Variants in SF3B1 observed in about 807,000 individuals in gnomAD.
The protein encoded by SF3B1 is pre-mRNA processing 10.
In SF3B1, 12 loss-of-function variants were observed where a neutral mutation model predicts 153.8. The ratio of observed to expected loss-of-function variants is 0.08; its 90% CI spans 0.05 to 0.13. SF3B1 has a LOEUF of 0.13. SF3B1 is among the 10% of genes least tolerant of loss of function. The probability of loss-of-function intolerance (pLI) is 1.00; values close to 1 mark genes in which losing one functional copy is unlikely to be tolerated. For missense variants in SF3B1, 513 were observed against 1,606.1 expected (o/e 0.32, Z 11.63); for synonymous variants, 498 against 525.2 (o/e 0.95, Z 0.71).
At position 197,416,752 on chromosome 2, in the gene SF3B1, C is replaced by T. The variant is rs2106004935; in HGVS notation, c.655G>A (p.Asp219Asn). The T allele has an allele frequency of 6.2e-7, 1 of 1,609,914 alleles. No homozygotes were observed. Among genetic ancestry groups the T allele is most frequent in the Non-Finnish European group, 8.5e-7 (1 of 1,178,846 alleles). The change falls in exon 6 of 25, where the codon GAT (aspartate) becomes AAT (asparagine). Residue 219 changes from aspartate (D) to asparagine (N), a missense_variant. Around this residue, in one of 21 missense-constraint regions of SF3B1, gnomAD observed 17 missense variants for 16.3 expected, o/e 1.05. Transcript: ENST00000335508. ...GATPKKLSSW[D>N]QAETPGHTPS... ...CAAAAAGAAATTACCTCTGCCTGATCCCAACTTGATAGTTTTTTGGGAGTG... is the reference window on the plus strand; with the variant it reads ...CAAAAAGAAATTACCTCTGCCTGATTCCAACTTGATAGTTTTTTGGGAGTG...
chr2:197,405,953 ATTAG>A (rs2084986622), intron 9 of SF3B1, among the ~76,000 whole-genome samples: 2 of 152,132 alleles, frequency 1.3e-5, no homozygotes, highest in African/African-American at 2.4e-5. Flanking sequence ...CTCTACAAAA[ATTAG>A]TTAAATGCAT....
chr2:197,403,044 G>GAC lies in SF3B1; in HGVS notation c.1720-10_1720-9insGT. ...TCAATGACCACGAGGATCTGAAAAA[G>GAC]AGAAAAGAGAAGAAGCTACACTTTC... On this transcript the variant is annotated splice_polypyrimidine_tract_variant and intron_variant, in intron 12 of 24. Transcript: ENST00000335508. 2.0e-6 allele frequency: 3 copies of GAC among 1,515,494 alleles called. No homozygotes were observed. Among genetic ancestry groups the GAC allele is most frequent in the Non-Finnish European group, 2.7e-6 (3 of 1,131,902 alleles). The allele number at this position is 1,515,494 out of a possible 1,614,324, so 93.9% of individuals were successfully genotyped here. A position where few individuals can be genotyped will look rare whatever the true frequency, so the allele number is the denominator to read the frequency against.
intron 1 of SF3B1, among the ~76,000 whole-genome samples, chr2:197,428,888 T>C (rs1464689943): frequency 1.3e-5 from 2 of 151,918 alleles, no homozygotes; most frequent in East Asian, 3.9e-4. Context: ...AGAGAATCGC[T>C]TGAGTCTGGG....
In SF3B1 at chr2:197,401,371, G is replaced by A. The variant is rs751622483; in HGVS notation, c.2496+29C>T. The A allele has an allele frequency of 6.4e-7, 1 of 1,574,202 alleles. No individual in the cohort carries two copies. Among genetic ancestry groups the A allele is most frequent in the Admixed American group, 2.1e-5 (1 of 46,784 alleles). ...TAAAGAATGAGTTGAAAGGACTTTT[G>A]AGAATATTCTTTTACAATAAAAGCT... On this transcript the variant is annotated intron_variant, in intron 17 of 24. Coordinates refer to ENST00000335508, the MANE Select transcript of SF3B1 (RefSeq NM_012433.4). This position sits in a 1 kb window ranked among gnomAD's most constrained non-coding sequence, Gnocchi z 4.2.
In SF3B1 at chr2:197,396,121, A is replaced by G; in HGVS notation, c.3474T>C (p.Ile1158=). ...AAATGTAGTCTTTTCCCATTTCACCAATATATTCAAACAAGAAGGAAAGCG... is the reference window on the plus strand; with the variant it reads ...AAATGTAGTCTTTTCCCATTTCACCGATATATTCAAACAAGAAGGAAAGCG... ...LKSLSFLFEY[I]GEMGKDYIYA... Residue 1158 remains isoleucine (I), a synonymous_variant, in exon 23 of 25, where the codon ATT becomes ATC. Transcript: ENST00000335508. 46 of 1,613,820 alleles carry G rather than the reference A, an allele frequency of 2.9e-5. No individual in the cohort carries two copies. Among genetic ancestry groups the G allele is most frequent in the Non-Finnish European group, 3.9e-5 (46 of 1,179,736 alleles).
rs1323438757 is a variant in SF3B1, at chr2:197,423,985, A to G, written c.29-11T>C. The G allele has an allele frequency of 3.8e-6, 6 of 1,597,342 alleles. No homozygotes were observed. The highest frequency in any genetic ancestry group is 1.4e-5 in the African/African-American group (1 of 73,770). ...TCTGTGCTTCAATATCTATAAAAAG[A>G]TAACACAGACTTTCTTAATTTCACT... is the stretch of plus-strand genomic sequence containing the variant. On this transcript the variant is annotated splice_polypyrimidine_tract_variant and intron_variant, in intron 1 of 24. Coordinates refer to ENST00000335508, the MANE Select transcript of SF3B1 (RefSeq NM_012433.4).
intron 20 of SF3B1, among the ~76,000 whole-genome samples, chr2:197,399,430 T>C (rs979688942): frequency 2.0e-5 from 3 of 152,116 alleles, no homozygotes; most frequent in African/African-American, 7.2e-5. Context: ...AAAAAAAGAT[T>C]AAATATAAGA....
chr2:197,416,014 C>T (rs1164358315), intron 6 of SF3B1, among the ~76,000 whole-genome samples: 2 of 146,966 alleles, frequency 1.4e-5, no homozygotes, highest in African/African-American at 5.0e-5. Context: ...GACAGGGTCT[C>T]CCTCTGTTGC....
At chr2:197,428,380 C>A (rs1053621609) in intron 1 of SF3B1, among the ~76,000 whole-genome samples, 1 of 151,994 alleles carries the variant, frequency 6.6e-6, no homozygotes, top group Admixed American at 6.6e-5. Flanking sequence ...AGTAATTTTC[C>A]AAATTTTTCT....
At chr2:197,408,920 C>T (rs768305430) in intron 7 of SF3B1, among the ~76,000 whole-genome samples, 7 of 152,048 alleles carry the variant, frequency 4.6e-5, no homozygotes, top group Non-Finnish European at 1.0e-4. Context: ...AAGACTCCAT[C>T]TCAACAACAA....
At position 197,392,362 on chromosome 2, in the gene SF3B1, T is replaced by C; in HGVS notation, c.3856A>G (p.Arg1286Gly). The C allele has an allele frequency of 1.3e-6, 2 of 1,578,784 alleles. No individual in the cohort carries two copies. Among genetic ancestry groups the C allele is most frequent in the Non-Finnish European group, 1.7e-6 (2 of 1,148,034 alleles). ...SQDALIAHYP[R>G]IYNDDKNTYI... is the part of the protein sequence containing the mutation. ...GTGTTCTTATCATCGTTGTAGATTCTTGGGTAATGTGCTATGAGAGCGTCC... is the reference window on the plus strand; with the variant it reads ...GTGTTCTTATCATCGTTGTAGATTCCTGGGTAATGTGCTATGAGAGCGTCC... The change falls in exon 25 of 25, where the codon AGA (arginine) becomes GGA (glycine). Residue 1286 changes from arginine to glycine, a missense_variant. Transcript: ENST00000335508.
chr2:197,417,853 C>T (rs1316836839), intron 5 of SF3B1, among the ~76,000 whole-genome samples: 1 of 152,062 alleles, frequency 6.6e-6, no homozygotes, highest in Non-Finnish European at 1.5e-5. Context: ...ACATCCAAAC[C>T]GAAACTTACA....
chr2:197,401,697 C>T lies in SF3B1; in HGVS notation c.2370+45G>A, dbSNP rs1413037025. On this transcript the variant is annotated intron_variant, in intron 16 of 24. Transcript: ENST00000335508. This position sits in a 1 kb window ranked among gnomAD's most constrained non-coding sequence, Gnocchi z 4.2. ...AAAACACTTTAAAATTCTGTTAGAA[C>T]CATGAAACATATCCAGTTTACATTA... 1 of 1,569,178 alleles carries T rather than the reference C, an allele frequency of 6.4e-7. No individual in the cohort carries two copies. The highest frequency in any genetic ancestry group is 1.9e-5 in the Admixed American group (1 of 52,714).
chr2:197,396,708 G>A (rs2084878199), intron 22 of SF3B1, among the ~76,000 whole-genome samples: 1 of 152,214 alleles, frequency 6.6e-6, no homozygotes. Context: ...CTAGGTAGGA[G>A]TGGTGAGGGG....
intron 1 of SF3B1, 72 bp downstream of exon 1, chr2:197,434,900 A>G: frequency 6.6e-7 from 1 of 1,506,444 alleles, no homozygotes; most frequent in Admixed American, 1.7e-5. Context: ...AGAAAAAGGC[A>G]GAATCCTAGG....
rs2084911764 is a variant in SF3B1 at position 197,399,271 on chromosome 2, T to C, written c.3014-690A>G. On this transcript the variant is annotated intron_variant, in intron 20 of 24. Transcript: ENST00000335508. ...GGAGATTATATGCAAATACAATAGT[T>C]TAAACATGTGTATCGCATAAATACC... Among the ~76,000 whole-genome samples the C allele has an allele frequency of 2.0e-5, 3 of 152,126 alleles. No individual in the cohort carries two copies. In the South Asian group the frequency reaches 6.2e-4, roughly 31 times the overall value.
At chr2:197,392,570 TGG>T (rs10686140) in intron 24 of SF3B1, 109 bp from the exon 25 acceptor site, 9 of 145,674 alleles carry the variant, frequency 6.2e-5, no homozygotes, top group South Asian at 9.0e-5. Context: ...CTTGGGGAGT[TGG>T]GGGGGGGGGA....
At chr2:197,418,460 G>C in intron 5 of SF3B1, 49 bp downstream of exon 5, 2 of 1,392,318 alleles carry the variant, frequency 1.4e-6, no homozygotes, top group East Asian at 4.6e-5. Flanking sequence ...AATCACAACT[G>C]TATTTATATT....
intron 5 of SF3B1, among the ~76,000 whole-genome samples, chr2:197,418,264 A>AAAAAAAAC (rs2085186178): frequency 6.9e-6 from 1 of 144,120 alleles, no homozygotes; most frequent in Non-Finnish European, 1.5e-5. Context: ...AAAAAAAAAA[A>AAAAAAAAC]TCCCTTGTGA....
Sources: gnomAD v4.1 joint callset for allele counts (sites outside exome capture counted in the v4.1 genomes callset) on GRCh38, gnomAD v4.1.1 for gene constraint, gnomAD v4.1.1 regional missense constraint, Gnocchi (gnomAD v3.1) non-coding constraint, MANE v1.5 for transcripts, NCBI Gene and HGNC (gene_info 2026-07-23, HGNC 2026-07-21) for gene names.